The following SEC16B variants were observed in gnomAD, a reference collection of about 807,000 sequenced individuals.
SEC16B encodes the protein protein transport protein Sec16B.
Under a neutral mutation model 141.8 loss-of-function variants are expected in SEC16B, and 115 were observed. The ratio of observed to expected loss-of-function variants is 0.81; its 90% CI spans 0.70 to 0.95. The LOEUF is 0.95. Ranked by LOEUF, SEC16B falls within the 40% of genes least tolerant of loss-of-function variation. The probability of loss-of-function intolerance (pLI) is 0.00; values close to 1 mark genes in which losing one functional copy is unlikely to be tolerated. For missense variants in SEC16B, 1,291 were observed against 1,312.3 expected, an observed-to-expected ratio of 0.98 and a Z score of 0.25; for synonymous variants, 493 against 492.5, an observed-to-expected ratio of 1.00 and a Z score of -0.01.
At chr1:177,934,994 A>G (rs1431876068) in intron 20 of SEC16B, among the ~76,000 whole-genome samples, 3 of 152,056 alleles carry the variant, frequency 2.0e-5, no homozygotes, top group Non-Finnish European at 4.4e-5. Flanking sequence ...CCCCACTCTC[A>G]GGGCACAGTG....
chr1:177,957,227 A>G (rs1393948174), intron 10 of SEC16B, among the ~76,000 whole-genome samples: 2 of 152,228 alleles, frequency 1.3e-5, no homozygotes, highest in Non-Finnish European at 2.9e-5. Flanking sequence ...TGTAAATGGT[A>G]TAATTTATAG....
chr1:177,931,852 G>T (rs1235072953), intron 24 of SEC16B, among the ~76,000 whole-genome samples: 2 of 152,084 alleles, frequency 1.3e-5, no homozygotes, highest in African/African-American at 2.4e-5. Flanking sequence ...ATACTGATGT[G>T]GACAACTCAT....
intron 13 of SEC16B, 91 bp from the exon 14 acceptor site, chr1:177,946,622 G>T: frequency 1.1e-6 from 1 of 946,884 alleles, no homozygotes; most frequent in Non-Finnish European, 1.6e-6. Flanking sequence ...TGGAAGAGTG[G>T]CCTCGGGGGT....
At chr1:177,932,989 G>C (rs549081348) in intron 22 of SEC16B, among the ~76,000 whole-genome samples, 183 bp from the exon 23 acceptor site, 10 of 152,048 alleles carry the variant, frequency 6.6e-5, no homozygotes, top group Non-Finnish European at 1.3e-4. Flanking sequence ...CCCTACTGCT[G>C]ACCCTCTAAA....
At chr1:177,950,111 T>C (rs1308707508) in intron 12 of SEC16B, among the ~76,000 whole-genome samples, 2 of 151,410 alleles carry the variant, frequency 1.3e-5, no homozygotes, top group Non-Finnish European at 1.5e-5. Flanking sequence ...ATGAAAATCA[T>C]TTCTCTTTTC....
At chr1:177,977,314 C>G (rs558346197) in intron 1 of SEC16B, among the ~76,000 whole-genome samples, 22 of 152,176 alleles carry the variant, frequency 1.4e-4, no homozygotes, top group Non-Finnish European at 2.9e-5. Context: ...TGGAAAGTCT[C>G]CATCCCTGCA....
intron 1 of SEC16B, among the ~76,000 whole-genome samples, chr1:177,968,554 G>A (rs1325496358): frequency 6.6e-6 from 1 of 152,156 alleles, no homozygotes; most frequent in East Asian, 1.9e-4. Flanking sequence ...CAAGGTTATT[G>A]ACAGAGTTAA....
intron 18 of SEC16B, among the ~76,000 whole-genome samples, chr1:177,938,982 G>A (rs1651070647): frequency 6.6e-6 from 1 of 152,336 alleles, no homozygotes; most frequent in Admixed American, 6.5e-5. Context: ...AGGCAGGGCT[G>A]TGGGGAAGCA....
intron 16 of SEC16B, 77 bp downstream of exon 16, chr1:177,941,823 A>C (rs1486347807): frequency 8.8e-6 from 13 of 1,479,890 alleles, no homozygotes; most frequent in African/African-American, 1.4e-5. Flanking sequence ...TGAAATGTAG[A>C]GTCTAAGCTG....
chr1:177,932,780 G>A lies in SEC16B; in HGVS notation c.2850C>T (p.His950=). The change falls in exon 23 of 26, where the codon CAC becomes CAT. Residue 950 remains histidine, a synonymous_variant. Transcript: ENST00000308284. ...SEETPRASSP[H]QAGLGLSLTP... ...TCAGTGAGAGGCCCAGGCCAGCCTG[G>A]TGGGGAGAAGATGCTCTGGGGGTCT... is the stretch of plus-strand genomic sequence containing the variant. 1 of 1,612,838 alleles carries A rather than the reference G, an allele frequency of 6.2e-7. No homozygotes were observed. Among genetic ancestry groups the A allele is most frequent in the South Asian group, 1.1e-5 (1 of 90,674 alleles).
Position 177,961,637 on chromosome 1 carries a change from T to C in SEC16B, c.740A>G (p.Glu247Gly). The change falls in exon 6 of 26, where the codon GAG becomes GGG. Residue 247 changes from glutamate (E) to glycine (G), a missense_variant. Transcript: ENST00000308284. ...TGCTGAAGCTGGGGGATCATCCCGCTCCGGGGCATCTCTGATGTACTGACT... is the reference window on the plus strand; with the variant it reads ...TGCTGAAGCTGGGGGATCATCCCGCCCCGGGGCATCTCTGATGTACTGACT... Reference protein sequence around the residue: ...ELSQYIRDAPERDDPPASAAW... With the variant: ...ELSQYIRDAPGRDDPPASAAW... 1 of 1,613,928 alleles carries C rather than the reference T, an allele frequency of 6.2e-7. No homozygotes were observed. The highest frequency in any genetic ancestry group is 8.5e-7 in the Non-Finnish European group (1 of 1,179,860).
chr1:177,941,066 T>C (rs1651235909), intron 16 of SEC16B, among the ~76,000 whole-genome samples: 1 of 152,258 alleles, frequency 6.6e-6, no homozygotes, highest in Non-Finnish European at 1.5e-5. Context: ...AATTGTAAAC[T>C]TGTTAAAATG....
At chr1:177,958,745 T>A in intron 9 of SEC16B, 95 bp downstream of exon 9, 1 of 1,450,346 alleles carries the variant, frequency 6.9e-7, no homozygotes, top group South Asian at 1.4e-5. Context: ...TCTTTAATAT[T>A]GCTTTTCATA....
At chr1:177,959,042 C>A (rs1336845804) in intron 8 of SEC16B, 67 bp from the exon 9 acceptor site, 10 of 1,539,908 alleles carry the variant, frequency 6.5e-6, no homozygotes, top group Admixed American at 3.8e-5. Flanking sequence ...GGACCCCAGG[C>A]TCCTCCTAAG....
At position 177,929,921 on chromosome 1, in the gene SEC16B, C is replaced by T. The variant is rs759107349; in HGVS notation, c.3120G>A (p.Thr1040=). The T allele has an allele frequency of 2.0e-5, 33 of 1,613,624 alleles. No homozygotes were observed. The highest frequency in any genetic ancestry group is 6.7e-5 in the Admixed American group (4 of 59,982). Residue 1040 remains threonine, a synonymous_variant, in exon 26 of 26, where the codon ACG becomes ACA. Coordinates refer to ENST00000308284, the MANE Select transcript of SEC16B (RefSeq NM_033127.4). ...YNPSQVPQLP[T]ATSLNRPNRL... ...GATTTGGCCGATTCAGGCTAGTGGC[C>T]GTGGGCAGCTGGAAAAGAAGAACAA...
intron 11 of SEC16B, among the ~76,000 whole-genome samples, chr1:177,952,873 G>C (rs989379569): frequency 6.6e-6 from 1 of 152,086 alleles, no homozygotes; most frequent in African/African-American, 2.4e-5. Flanking sequence ...AAAGTGCACC[G>C]TGGTGTCACC....
At position 177,961,682 on chromosome 1, in the gene SEC16B, C is replaced by A; in HGVS notation, c.695G>T (p.Ser232Ile). The change falls in exon 6 of 26, where the codon AGC becomes ATC. Residue 232 changes from serine to isoleucine, a missense_variant. Around this residue, in one of 3 missense-constraint regions of SEC16B, gnomAD observed 681 missense variants for 675.5 expected, o/e 1.01. Coordinates refer to ENST00000308284, the MANE Select transcript of SEC16B (RefSeq NM_033127.4). ...NLLQQRESGL[S>I]SSSYELSQYI... ...CTGACTGAGCTCATAGCTGCTGGAG[C>A]TGAGACCAGACTCACGCTGCTGGAG... The A allele has an allele frequency of 6.2e-7, 1 of 1,614,008 alleles. No individual in the cohort carries two copies. The highest frequency in any genetic ancestry group is 8.5e-7 in the Non-Finnish European group (1 of 1,179,886).
chr1:177,939,663 C>G, intron 18 of SEC16B, 39 bp downstream of exon 18: 1 of 1,432,818 alleles, frequency 7.0e-7, no homozygotes, highest in Non-Finnish European at 9.6e-7. Flanking sequence ...AGATCCTGAG[C>G]GTCAGCTATG....
At position 177,965,081 on chromosome 1, in the gene SEC16B, T is replaced by G. The variant is rs972106635; in HGVS notation, c.499A>C (p.Ser167Arg). 1.2e-6 allele frequency: 2 copies of G among 1,613,696 alleles called. No individual in the cohort carries two copies. The highest frequency in any genetic ancestry group is 2.2e-5 in the East Asian group (1 of 44,852). ...GTCTCACTATTTGTTCCAAATGGACTGTGCTGGTTTTCATAATGATGTTCA... is the reference window on the plus strand; with the variant it reads ...GTCTCACTATTTGTTCCAAATGGACGGTGCTGGTTTTCATAATGATGTTCA... ...LDEHHYENQH[S>R]PFGTNSETHF... The change falls in exon 4 of 26, where the codon AGT (serine) becomes CGT (arginine). Residue 167 changes from serine (S) to arginine (R), a missense_variant. Transcript: ENST00000308284.
Sources: allele counts gnomAD v4.1 joint callset (sites outside exome capture counted in the v4.1 genomes callset), GRCh38; gene constraint gnomAD v4.1.1; regional missense constraint gnomAD v4.1.1; transcripts MANE v1.5; gene names NCBI Gene and HGNC (gene_info 2026-07-23, HGNC 2026-07-21).